LDLRAD4: variants seen among roughly 807,000 people sequenced by gnomAD.
The protein encoded by LDLRAD4 is low density lipoprotein receptor class A domain containing 4.
In LDLRAD4, 5 loss-of-function variants were observed where a neutral mutation model predicts 17.0. The ratio of observed to expected loss-of-function variants is 0.29; its 90% confidence interval spans 0.15 to 0.62. LDLRAD4 has a LOEUF of 0.62. Ranked by LOEUF, LDLRAD4 falls within the 20% of genes least tolerant of loss-of-function variation. LDLRAD4 has a pLI of 0.84. For synonymous variants in LDLRAD4, 168 were observed against 171.8 expected (o/e 0.98, Z 0.17); for missense variants, 340 against 424.7 (o/e 0.80, Z 1.75).
chr18:13,626,130 T>C (rs568240275), intron 4 of LDLRAD4, among the ~76,000 whole-genome samples: 1 of 152,172 alleles, frequency 6.6e-6, no homozygotes, highest in East Asian at 1.9e-4. Flanking sequence ...AGCAAATGCT[T>C]ACATCATAGC....
intron 3 of LDLRAD4, among the ~76,000 whole-genome samples, chr18:13,468,339 G>C (rs2146694954): frequency 6.6e-6 from 1 of 152,278 alleles, no homozygotes; most frequent in East Asian, 1.9e-4. Context: ...TCATTAAAAA[G>C]TCAGGAAACA....
At chr18:13,468,636 G>A (rs1389973756) in intron 3 of LDLRAD4, among the ~76,000 whole-genome samples, 1 of 152,052 alleles carries the variant, frequency 6.6e-6, no homozygotes, top group African/African-American at 2.4e-5. Context: ...TTAAGAAAAT[G>A]TGGCACATAT....
chr18:13,436,707 C>T (rs1263480436), intron 2 of LDLRAD4, among the ~76,000 whole-genome samples: 1 of 152,206 alleles, frequency 6.6e-6, no homozygotes, highest in East Asian at 1.9e-4. Flanking sequence ...GGGTTTTAAT[C>T]TTTCCACCTT....
intron 3 of LDLRAD4, among the ~76,000 whole-genome samples, chr18:13,548,100 A>C (rs932309102): frequency 2.6e-4 from 39 of 152,284 alleles, no homozygotes; most frequent in Non-Finnish European, 2.1e-4. Flanking sequence ...AGCTCTCAGC[A>C]GAGAGGAGAC....
intron 1 of LDLRAD4, among the ~76,000 whole-genome samples, chr18:13,253,693 C>T (rs894466632): frequency 6.6e-6 from 1 of 152,078 alleles, no homozygotes; most frequent in African/African-American, 2.4e-5. Flanking sequence ...TTTTGATATT[C>T]TCTTAAAGGC....
At chr18:13,336,230 G>A (rs1013661850) in intron 1 of LDLRAD4, among the ~76,000 whole-genome samples, 6 of 152,164 alleles carry the variant, frequency 3.9e-5, no homozygotes, top group African/African-American at 1.4e-4. Flanking sequence ...GAGGCTCGGA[G>A]GGGTTAAATA....
exon 6 of LDLRAD4, chr18:13,651,886 T>C (rs2039275060): frequency 6.6e-6 from 1 of 152,188 alleles, no homozygotes; most frequent in South Asian, 2.1e-4. Context: ...AGGAAACAAA[T>C]GACAGATTAT....
chr18:13,312,829 G>A (rs1484696867), intron 1 of LDLRAD4, among the ~76,000 whole-genome samples: 1 of 152,168 alleles, frequency 6.6e-6, no homozygotes, highest in Non-Finnish European at 1.5e-5. Context: ...GAAAGTATAT[G>A]AATGAGATAC....
intron 1 of LDLRAD4, among the ~76,000 whole-genome samples, chr18:13,368,800 T>G (rs1450953099): frequency 6.6e-6 from 1 of 152,216 alleles, no homozygotes; most frequent in Admixed American, 6.5e-5. Context: ...CTGAATTCCT[T>G]CTTCCATACA....
chr18:13,287,150 C>T (rs1013106384), intron 1 of LDLRAD4, among the ~76,000 whole-genome samples: 16 of 152,094 alleles, frequency 1.1e-4, no homozygotes, highest in Non-Finnish European at 5.9e-5. Flanking sequence ...CAATCCCCAC[C>T]AGGACGTAGA....
At chr18:13,651,857 A>C (rs1229468421) in exon 6 of LDLRAD4, 4 of 152,198 alleles carry the variant, frequency 2.6e-5, no homozygotes, top group African/African-American at 9.7e-5. Flanking sequence ...CAGATTCTAT[A>C]ATCATACCCC....
rs1161890502 is a variant in LDLRAD4, at chr18:13,315,776, C to T, written c.-383+37588C>T. Among the ~76,000 whole-genome samples, 3 of 136,440 alleles carry T rather than the reference C, an allele frequency of 2.2e-5. No individual in the cohort carries two copies. In the East Asian group the frequency reaches 6.3e-4, roughly 29 times the overall value. 89.5% of individuals were successfully genotyped at this position (136,440 alleles called of 152,430 possible). ...TCCAGCCTGGGCAACAAGAGTGAAA[C>T]TCCGTCTAAAAAAAAAAAAAAAAAA... On this transcript the variant is annotated intron_variant, in intron 1 of 5. Transcript: ENST00000359446.
intron 3 of LDLRAD4, among the ~76,000 whole-genome samples, chr18:13,610,552 G>A (rs1196737072): frequency 6.6e-6 from 1 of 152,164 alleles, no homozygotes; most frequent in Middle Eastern, 3.4e-3. Context: ...CTCCGAAAGT[G>A]CTAGGATTAC....
chr18:13,542,667 G>C (rs1004950939), intron 3 of LDLRAD4, among the ~76,000 whole-genome samples: 1 of 152,170 alleles, frequency 6.6e-6, no homozygotes, highest in African/African-American at 2.4e-5. Context: ...AGGAGGCGGG[G>C]CGGGCGGAGG....
chr18:13,515,341 G>A (rs7230189), intron 3 of LDLRAD4: 48,824 of 152,120 alleles, frequency 0.32, 8,404 homozygotes, highest in Middle Eastern at 0.51. Context: ...TTCCAAATGT[G>A]GAGCAAAGAA....
intron 4 of LDLRAD4, among the ~76,000 whole-genome samples, chr18:13,636,844 C>T (rs2042129146): frequency 6.6e-6 from 1 of 151,670 alleles, no homozygotes; most frequent in Non-Finnish European, 1.5e-5. Context: ...GTCGCCCAGG[C>T]TGAAGTACAG....
chr18:13,493,836 A>C (rs558630017), intron 3 of LDLRAD4, among the ~76,000 whole-genome samples: 1 of 152,218 alleles, frequency 6.6e-6, no homozygotes, highest in South Asian at 2.1e-4. Context: ...CCCTGCCTCC[A>C]GCCCCGTGGT....
At chr18:13,544,514 C>T (rs973069028) in intron 3 of LDLRAD4, among the ~76,000 whole-genome samples, 10 of 152,218 alleles carry the variant, frequency 6.6e-5, no homozygotes, top group Admixed American at 1.3e-4. Context: ...ACCCATCAGT[C>T]GGCCCAGGAC....
At chr18:13,280,221 G>A (rs758756134) in intron 1 of LDLRAD4, 2 of 152,244 alleles carry the variant, frequency 1.3e-5, no homozygotes, top group East Asian at 1.9e-4. Flanking sequence ...TATGGCGTTT[G>A]TGTGGGGAAC....
Sources: gnomAD v4.1 joint callset for allele counts (sites outside exome capture counted in the v4.1 genomes callset) on GRCh38, gnomAD v4.1.1 for gene constraint, MANE v1.5 for transcripts, NCBI Gene and HGNC (gene_info 2026-07-23, HGNC 2026-07-21) for gene names.